The following NCKAP1 variants were observed in gnomAD, a reference collection of about 807,000 sequenced individuals.
NCKAP1 encodes the protein NCK associated protein 1.
NCKAP1 carries 21 observed loss-of-function variants against 151.2 expected under a neutral mutation model. The ratio of observed to expected loss-of-function variants is 0.14; its 90% CI spans 0.10 to 0.20. NCKAP1 has a LOEUF of 0.20. Ranked by LOEUF, NCKAP1 falls within the 10% of genes least tolerant of loss-of-function variation. The probability of loss-of-function intolerance (pLI) is 1.00; values close to 1 mark genes in which losing one functional copy is unlikely to be tolerated. For synonymous variants in NCKAP1, 484 were observed against 451.8 expected (o/e 1.07, Z -0.90); for missense variants, 933 against 1,352.1 (o/e 0.69, Z 4.86).
intron 24 of NCKAP1, among the ~76,000 whole-genome samples, chr2:182,936,817 T>C (rs1696884593): frequency 1.3e-5 from 2 of 152,172 alleles, no homozygotes; most frequent in Admixed American, 6.5e-5. Context: ...CAGTGTCTGA[T>C]ACCCAGATGA....
intron 23 of NCKAP1, among the ~76,000 whole-genome samples, chr2:182,949,919 AG>A (rs2105819337): frequency 6.6e-6 from 1 of 152,356 alleles, no homozygotes; most frequent in South Asian, 2.1e-4. Flanking sequence ...TTTATACTCT[AG>A]TGAGAGTGAC....
chr2:183,021,983 G>A (rs927065669), intron 2 of NCKAP1, among the ~76,000 whole-genome samples: 6 of 152,070 alleles, frequency 3.9e-5, no homozygotes, highest in South Asian at 2.1e-4. Flanking sequence ...TAAAAATATC[G>A]ATTTTGTGCT....
intron 23 of NCKAP1, 85 bp from the exon 24 acceptor site, chr2:182,942,248 C>G: frequency 1.0e-6 from 1 of 1,000,424 alleles, no homozygotes; most frequent in East Asian, 2.4e-5. Context: ...TACAATCTGG[C>G]AAGTAGGAAA....
chr2:182,951,946 T>G (rs1327842964), intron 23 of NCKAP1, among the ~76,000 whole-genome samples: 1 of 152,194 alleles, frequency 6.6e-6, no homozygotes, highest in Non-Finnish European at 1.5e-5. Flanking sequence ...GAAGGCATTT[T>G]TCATTCAACT....
intron 23 of NCKAP1, among the ~76,000 whole-genome samples, chr2:182,950,500 T>C (rs1697191838): frequency 6.6e-6 from 1 of 152,084 alleles, no homozygotes; most frequent in South Asian, 2.1e-4. Flanking sequence ...TACAGCAGAA[T>C]TAGTCTAATA....
At chr2:183,037,247 T>C (rs891218136) in intron 1 of NCKAP1, among the ~76,000 whole-genome samples, 4 of 152,220 alleles carry the variant, frequency 2.6e-5, no homozygotes, top group East Asian at 1.9e-4. Flanking sequence ...GTTTTTATTT[T>C]GTACAGACAC....
intron 18 of NCKAP1, among the ~76,000 whole-genome samples, chr2:182,958,472 C>T (rs1311166126): frequency 6.6e-6 from 1 of 152,058 alleles, no homozygotes; most frequent in African/African-American, 2.4e-5. Context: ...AAGGATAACT[C>T]TGATATTGGC....
chr2:182,991,710 G>A (rs1303460925), intron 8 of NCKAP1, among the ~76,000 whole-genome samples: 1 of 150,256 alleles, frequency 6.7e-6, no homozygotes, highest in Non-Finnish European at 1.5e-5. Context: ...ACCAAGTCTT[G>A]ACAAGAAAGT....
chr2:182,945,015 A>C (rs996416549), intron 23 of NCKAP1, among the ~76,000 whole-genome samples: 1 of 152,152 alleles, frequency 6.6e-6, no homozygotes, highest in Non-Finnish European at 1.5e-5. Context: ...TGGGCGGATC[A>C]CCTGAGGTCA....
chr2:183,000,341 G>T (rs987049496), intron 6 of NCKAP1, among the ~76,000 whole-genome samples: 2 of 152,122 alleles, frequency 1.3e-5, no homozygotes, highest in African/African-American at 2.4e-5. Context: ...AACTTAAAAA[G>T]CCGAGAGCCT....
Position 183,036,247 on chromosome 2 carries a change from A to G in NCKAP1, c.108+1745T>C, listed in dbSNP as rs191033556. Among the ~76,000 whole-genome samples the G allele has an allele frequency of 5.3e-5, 8 of 152,338 alleles. No homozygotes were observed. In the East Asian group the frequency reaches 1.5e-3, roughly 29 times the overall value. The stretch of plus-strand genomic sequence containing the variant: ...ATTAAAGTTTGATTGCATTTATCCT[A>G]CAAAAATGTTTAATAAATGCTTAGA... On this transcript the variant is annotated intron_variant, in intron 1 of 30. Transcript: ENST00000361354.
intron 18 of NCKAP1, among the ~76,000 whole-genome samples, chr2:182,960,302 G>A (rs1208020571): frequency 1.1e-4 from 17 of 152,094 alleles, no homozygotes; most frequent in East Asian, 1.9e-4. Flanking sequence ...GAACAAAGCC[G>A]GAGGCATCAC....
chr2:183,010,839 T>C (rs1266450545), intron 2 of NCKAP1, among the ~76,000 whole-genome samples: 1 of 152,198 alleles, frequency 6.6e-6, no homozygotes, highest in Non-Finnish European at 1.5e-5. Flanking sequence ...CTATTTTCCA[T>C]TACAAATAGA....
chr2:182,925,043 C>T lies in NCKAP1; in HGVS notation c.*659G>A, dbSNP rs756992418. The T allele has an allele frequency of 1.3e-5, 2 of 152,052 alleles. No homozygotes were observed. Among genetic ancestry groups the T allele is most frequent in the African/African-American group, 2.4e-5 (1 of 41,428 alleles). The allele number at this position is 152,052 out of a possible 1,614,324, so 9.4% of individuals were successfully genotyped here. On this transcript the variant is annotated 3_prime_UTR_variant, in exon 31 of 31. Coordinates refer to ENST00000361354, the MANE Select transcript of NCKAP1 (RefSeq NM_013436.5). ...TATACAGCAGGGTACAATGGTAGTG[C>T]TAATGCCAACAGGGCACCATGGAAG...
At chr2:182,927,264 TG>T (rs1310982188) in intron 29 of NCKAP1, 1 of 161,374 alleles carries the variant, frequency 6.2e-6, no homozygotes, top group East Asian at 1.8e-4. Flanking sequence ...AGTTTCACAC[TG>T]GATTTGACTT....
Position 182,914,932 on chromosome 2 carries a change from T to C in NCKAP1, c.*10770A>G, listed in dbSNP as rs1462272641. 2.0e-5 allele frequency: 3 copies of C among 152,154 alleles called. No homozygotes were observed. The highest frequency in any genetic ancestry group is 4.4e-5 in the Non-Finnish European group (3 of 68,032). The allele number at this position is 152,154 out of a possible 1,614,324, so 9.4% of individuals were successfully genotyped here. On this transcript the variant is annotated 3_prime_UTR_variant, in exon 31 of 31. Transcript: ENST00000361354. The stretch of plus-strand genomic sequence containing the variant: ...TTCCCTTTAAAGAAATCAGATTTTG[T>C]AAACAGTGAAAAAACCAAGAGCAGA...
intron 27 of NCKAP1, among the ~76,000 whole-genome samples, chr2:182,929,137 C>G (rs1171763023): frequency 6.6e-6 from 1 of 151,408 alleles, no homozygotes; most frequent in East Asian, 1.9e-4. Context: ...TCAAGGACGT[C>G]TGATAAAACA....
rs1223219237 is a variant in NCKAP1, at chr2:182,948,835, G to C, written c.2601+3570C>G. On this transcript the variant is annotated intron_variant, in intron 23 of 30. Coordinates refer to ENST00000361354, the MANE Select transcript of NCKAP1 (RefSeq NM_013436.5). ...AAATGTGTTCATGCTATCTTAAACT[G>C]TGTCAGTAAGTACAGTATCCAGAAT... Among the ~76,000 whole-genome samples the C allele has an allele frequency of 3.3e-5, 5 of 152,296 alleles. No individual in the cohort carries two copies. In the East Asian group the frequency reaches 7.7e-4, roughly 23 times the overall value.
intron 1 of NCKAP1, 113 bp from the exon 2 acceptor site, chr2:183,024,029 G>T: frequency 1.2e-6 from 1 of 812,924 alleles, no homozygotes. Flanking sequence ...GTGAGCAGGT[G>T]ATAAAATGAA....
Sources: allele counts gnomAD v4.1 joint callset (sites outside exome capture counted in the v4.1 genomes callset), GRCh38; gene constraint gnomAD v4.1.1; transcripts MANE v1.5; gene names NCBI Gene and HGNC (gene_info 2026-07-23, HGNC 2026-07-21).